Variants in EFCAB8 observed in about 807,000 individuals in gnomAD.
The protein encoded by EFCAB8 is EF-hand calcium binding domain 8, also known as EF-hand calcium-binding domain-containing protein 8.
EFCAB8 carries 100 observed loss-of-function variants against 116.3 expected under a neutral mutation model. The ratio of observed to expected loss-of-function variants is 0.86; its 90% CI spans 0.73 to 1.02. The LOEUF (loss-of-function observed/expected upper bound fraction) is 1.02. Among genes scored for constraint, EFCAB8 ranks in the 50% least tolerant of loss-of-function variants. EFCAB8 has a pLI of 0.00. For missense variants in EFCAB8, 1,320 were observed against 1,416.9 expected (o/e 0.93, Z 1.10); for synonymous variants, 558 against 567.9 (o/e 0.98, Z 0.25).
In EFCAB8 at chr20:32,904,815, C is replaced by T. The variant is rs896455485; in HGVS notation, c.1089-1747C>T. Among the ~76,000 whole-genome samples the T allele has an allele frequency of 7.3e-5, 11 of 151,002 alleles. No individual in the cohort carries two copies. In the East Asian group the frequency reaches 9.8e-4, roughly 14 times the overall value. Reference sequence around the variant, plus strand: ...CTAATTTTTGTATTTTTAGTAGAGGCGAGGTTTTACCCTGTTGGCCAGGCT... The same window carrying T: ...CTAATTTTTGTATTTTTAGTAGAGGTGAGGTTTTACCCTGTTGGCCAGGCT... On this transcript the variant is annotated intron_variant, in intron 11 of 26. Coordinates refer to ENST00000400522, the MANE Select transcript of EFCAB8 (RefSeq NM_001143967.2).
chr20:32,903,193 G>A (rs1469506634), intron 11 of EFCAB8, among the ~76,000 whole-genome samples: 1 of 152,156 alleles, frequency 6.6e-6, no homozygotes, highest in Non-Finnish European at 1.5e-5. Flanking sequence ...GGCCCACCTG[G>A]TGCCCACCAC....
chr20:32,927,157 T>C (rs1195551124), intron 20 of EFCAB8, among the ~76,000 whole-genome samples: 3 of 152,070 alleles, frequency 2.0e-5, no homozygotes, highest in African/African-American at 7.2e-5. Flanking sequence ...GAGAAAAAAG[T>C]GTCAACAAAT....
intron 3 of EFCAB8, among the ~76,000 whole-genome samples, chr20:32,868,673 C>T (rs1244569566): frequency 5.3e-5 from 8 of 152,104 alleles, no homozygotes; most frequent in Non-Finnish European, 1.2e-4. Flanking sequence ...TGTTCAGGCT[C>T]TCACAAGGCT....
At chr20:32,873,177 GATA>G (rs1361779051) in intron 3 of EFCAB8, among the ~76,000 whole-genome samples, 4 of 152,100 alleles carry the variant, frequency 2.6e-5, no homozygotes, top group African/African-American at 9.7e-5. Flanking sequence ...TGTGTCAGCT[GATA>G]ATGTCAGCAA....
chr20:32,864,574 C>T (rs975288726), intron 2 of EFCAB8, among the ~76,000 whole-genome samples: 1 of 152,078 alleles, frequency 6.6e-6, no homozygotes, highest in African/African-American at 2.4e-5. Context: ...GAGCGAGACC[C>T]TGTCTCTAAA....
In EFCAB8 at chr20:32,889,397, C is replaced by T. The variant is rs199710083; in HGVS notation, c.664C>T (p.Gln222Ter). Residue 222 changes from glutamine (Q) to a stop codon, truncating the protein, a stop_gained, in exon 7 of 27, where the codon CAA (glutamine) becomes TAA (stop). Coordinates refer to ENST00000400522, the MANE Select transcript of EFCAB8 (RefSeq NM_001143967.2). LOFTEE classifies it high-confidence loss of function. Reference protein sequence around the residue: ...MNLVAVASTRQKIDFFDISDH... With the variant: ...MNLVAVASTR ...CCTCGTTGCAGTTGCGTCTACCAGG[C>T]AAAAGATAGGTGAGTCCCTGGGGGC... 7.7e-6 allele frequency: 12 copies of T among 1,551,720 alleles called. No homozygotes were observed. Among genetic ancestry groups the T allele is most frequent in the Non-Finnish European group, 2.6e-6 (3 of 1,147,018 alleles).
At position 32,885,379 on chromosome 20, in the gene EFCAB8, C is replaced by CGTGCGTGTGT. The variant is rs1402695173; in HGVS notation, c.432-117_432-116insTGTGCGTGTG. 1.2e-4 allele frequency: 156 copies of CGTGCGTGTGT among 1,284,304 alleles called. 1 individual carries two copies. The African/African-American group carries it at 2.1e-3, about 17-fold the overall frequency. 79.6% of individuals were successfully genotyped at this position (1,284,304 alleles called of 1,614,324 possible). ...TATGGGTTTATGGCGTGCGCATGTG[C>CGTGCGTGTGT]GTGCGTGTGCGTGACGCTCCGCCGG... On this transcript the variant is annotated intron_variant, in intron 5 of 26. Coordinates refer to ENST00000400522, the MANE Select transcript of EFCAB8 (RefSeq NM_001143967.2).
At chr20:32,919,766 T>C (rs892092327) in intron 19 of EFCAB8, among the ~76,000 whole-genome samples, 9 of 152,324 alleles carry the variant, frequency 5.9e-5, no homozygotes, top group Admixed American at 5.9e-4. Flanking sequence ...CCCAAAGTGC[T>C]GGAATTACAG....
intron 17 of EFCAB8, among the ~76,000 whole-genome samples, chr20:32,913,277 A>G (rs1010362452): frequency 6.6e-6 from 1 of 152,122 alleles, no homozygotes; most frequent in East Asian, 1.9e-4. Flanking sequence ...GTGAGGGCCT[A>G]CTTCCTGATT....
intron 10 of EFCAB8, among the ~76,000 whole-genome samples, chr20:32,897,643 C>T (rs900635922): frequency 6.6e-6 from 1 of 152,004 alleles, no homozygotes; most frequent in African/African-American, 2.4e-5. Flanking sequence ...CACTATGTTG[C>T]CCAGGCTGGT....
chr20:32,940,255 TAAAA>T (rs1218188261), intron 22 of EFCAB8, among the ~76,000 whole-genome samples: 1 of 149,330 alleles, frequency 6.7e-6, no homozygotes, highest in African/African-American at 2.5e-5. Context: ...AATTTAGAGT[TAAAA>T]AATAAATTCT....
rs111654224 is a variant in EFCAB8 at position 32,910,205 on chromosome 20, C to T, written c.1557+274C>T. 3.7e-3 allele frequency among the ~76,000 whole-genome samples: 565 copies of T among 152,352 alleles called. 4 individuals are homozygous for T. Among genetic ancestry groups the T allele is most frequent in the African/African-American group, 0.013 (527 of 41,588 alleles). ...CCCTTGGCTGAGCGCCTTGGGTCAG[C>T]TCTGGACTGGGCCTTCTTGATGTGG... On this transcript the variant is annotated intron_variant, in intron 15 of 26. Transcript: ENST00000400522.
At chr20:32,866,137 GTGTATCCACAGTGC>G (rs1296369043) in intron 2 of EFCAB8, among the ~76,000 whole-genome samples, 1 of 152,290 alleles carries the variant, frequency 6.6e-6, no homozygotes, top group East Asian at 1.9e-4. Flanking sequence ...TATGTTCACG[GTGTATCCACAGTGC>G]TGTATCCACA....
intron 6 of EFCAB8, among the ~76,000 whole-genome samples, chr20:32,888,415 G>A (rs1274167757): frequency 3.3e-5 from 5 of 152,138 alleles, no homozygotes; most frequent in Non-Finnish European, 5.9e-5. Flanking sequence ...TAGTACAGAC[G>A]GGGTTTCAAC....
In EFCAB8 at chr20:32,885,586, A is replaced by G. The variant is rs1413463711; in HGVS notation, c.513A>G (p.Lys171=). ...KKIGCFLTVT[K]DGILQFWSES... ...TCGGGTGTTTCCTGACTGTCACCAAAGACGGGATCCTGCAGTTCTGGTCTG... is the reference window on the plus strand; with the variant it reads ...TCGGGTGTTTCCTGACTGTCACCAAGGACGGGATCCTGCAGTTCTGGTCTG... The change falls in exon 6 of 27, where the codon AAA becomes AAG. Residue 171 remains lysine, a synonymous_variant. Transcript: ENST00000400522. 2 of 1,551,802 alleles carry G rather than the reference A, an allele frequency of 1.3e-6. No individual in the cohort carries two copies. The highest frequency in any genetic ancestry group is 2.4e-5 in the East Asian group (1 of 40,910).
intron 23 of EFCAB8, among the ~76,000 whole-genome samples, chr20:32,948,801 A>G (rs1018954938): frequency 6.6e-6 from 1 of 152,214 alleles, no homozygotes; most frequent in East Asian, 1.9e-4. Flanking sequence ...ATTTGACAAA[A>G]TTCAACATCC....
chr20:32,900,592 G>A (rs921243116), intron 11 of EFCAB8, among the ~76,000 whole-genome samples: 34 of 151,542 alleles, frequency 2.2e-4, no homozygotes, highest in African/African-American at 8.0e-4. Flanking sequence ...TTTTGTGACG[G>A]AGTCTCACTG....
intron 23 of EFCAB8, among the ~76,000 whole-genome samples, chr20:32,956,731 C>T (rs1034709060): frequency 1.3e-5 from 2 of 152,008 alleles, no homozygotes; most frequent in Admixed American, 6.6e-5. Context: ...CTATGATGTG[C>T]GTAAGTGTGG....
chr20:32,922,310 G>A (rs11698786), intron 20 of EFCAB8, among the ~76,000 whole-genome samples: 5,347 of 152,200 alleles, frequency 0.035, 130 homozygotes, highest in Non-Finnish European at 0.055. Context: ...TTGAGAGGAC[G>A]GATTCTTGGA....
Sources: allele counts gnomAD v4.1 joint callset (sites outside exome capture counted in the v4.1 genomes callset), GRCh38; gene constraint gnomAD v4.1.1; transcripts MANE v1.5; gene names NCBI Gene and HGNC (gene_info 2026-07-23, HGNC 2026-07-21).